The following SLC15A4 variants were observed in gnomAD, a reference collection of about 807,000 sequenced individuals.
SLC15A4 encodes solute carrier family 15 member 4.
Under a neutral mutation model 46.1 loss-of-function variants are expected in SLC15A4, and 26 were observed. That is an observed-to-expected ratio of 0.56 (90% confidence interval 0.41 to 0.78). The LOEUF is 0.78. Ranked by LOEUF, SLC15A4 falls within the 30% of genes least tolerant of loss-of-function variation. SLC15A4 has a pLI of 0.00. For synonymous variants in SLC15A4, 370 were observed against 333.4 expected, an observed-to-expected ratio of 1.11 and a Z score of -1.20; for missense variants, 751 against 755.7, an observed-to-expected ratio of 0.99 and a Z score of 0.07.
At chr12:128,799,130 G>A in intron 7 of SLC15A4, 129 bp downstream of exon 7, 1 of 919,770 alleles carries the variant, frequency 1.1e-6, no homozygotes, top group Non-Finnish European at 1.7e-6. Context: ...GCTGTGGAAG[G>A]AGCGGTGGAC....
chr12:128,823,358 CTGGACA>C, intron 1 of SLC15A4, 34 bp downstream of exon 1: 2 of 1,360,926 alleles, frequency 1.5e-6, no homozygotes, highest in Non-Finnish European at 1.9e-6. Flanking sequence ...TGGGCAGGGG[CTGGACA>C]GGGACAGGGA....
At chr12:128,797,990 C>T (rs932589478) in intron 7 of SLC15A4, among the ~76,000 whole-genome samples, 7 of 152,110 alleles carry the variant, frequency 4.6e-5, no homozygotes, top group South Asian at 2.1e-4. Flanking sequence ...CCAGCACACA[C>T]GCCCTGAGAG....
chr12:128,794,497 A>G, intron 7 of SLC15A4, 141 bp from the exon 8 acceptor site: 1 of 795,714 alleles, frequency 1.3e-6, no homozygotes, highest in Non-Finnish European at 1.9e-6. Flanking sequence ...GTAGTCCAAA[A>G]TGCACAAGCA....
intron 1 of SLC15A4, among the ~76,000 whole-genome samples, chr12:128,818,815 T>C (rs975695176): frequency 6.6e-6 from 1 of 152,202 alleles, no homozygotes; most frequent in Admixed American, 6.5e-5. Context: ...ACTTCCAGTC[T>C]CTGTGGACTC....
At chr12:128,815,327 T>TGTGGAAAAACTTG in intron 1 of SLC15A4, 26 of 414,000 alleles carry the variant, frequency 6.3e-5, no homozygotes, top group Middle Eastern at 6.7e-4. Context: ...TTTCCAAGTA[T>TGTGGAAAAACTTG]ATTCTGCTGT....
intron 5 of SLC15A4, among the ~76,000 whole-genome samples, chr12:128,807,601 T>C (rs972393750): frequency 6.6e-6 from 1 of 152,178 alleles, no homozygotes; most frequent in Non-Finnish European, 1.5e-5. Context: ...CAGCCTCCAG[T>C]GCAAAGACTT....
Position 128,796,596 on chromosome 12 carries a change from ATT to A in SLC15A4, c.1574-2242_1574-2241del, listed in dbSNP as rs554728057. Reference sequence around the variant, plus strand: ...CTGAATTCTACCAGACTAAAGCTTTATTTTTTCAACAGATGTTTTACACTATT... The same window carrying A: ...CTGAATTCTACCAGACTAAAGCTTTATTTTCAACAGATGTTTTACACTATT... On this transcript the variant is annotated intron_variant, in intron 7 of 7. Transcript: ENST00000266771. 1.2e-3 allele frequency among the ~76,000 whole-genome samples: 188 copies of A among 152,158 alleles called. 2 individuals are homozygous for A. The highest frequency in any genetic ancestry group is 4.3e-3 in the African/African-American group (177 of 41,508).
At chr12:128,814,610 G>A (rs1273033670) in intron 2 of SLC15A4, 165 bp downstream of exon 2, 17 of 689,448 alleles carry the variant, frequency 2.5e-5, no homozygotes, top group East Asian at 8.1e-5. Context: ...TAATAAGACC[G>A]CACCCGCCTC....
In SLC15A4 at chr12:128,793,362, T is replaced by C. The variant is rs1955406416; in HGVS notation, c.*834A>G. On this transcript the variant is annotated 3_prime_UTR_variant, in exon 8 of 8. Coordinates refer to ENST00000266771, the MANE Select transcript of SLC15A4 (RefSeq NM_145648.4). ...TTCACATTTAACACTTTCAATTATT[T>C]TTAATTACACTATTTCTGTTCAAAA... is the stretch of plus-strand genomic sequence containing the variant. The C allele has an allele frequency of 6.6e-6, 1 of 152,230 alleles. No homozygotes were observed. The highest frequency in any genetic ancestry group is 1.5e-5 in the Non-Finnish European group (1 of 68,032). 9.4% of individuals were successfully genotyped at this position (152,230 alleles called of 1,614,324 possible). A position where few individuals can be genotyped will look rare whatever the true frequency, so the allele number is the denominator to read the frequency against.
At chr12:128,813,813 T>TA (rs1457321808) in intron 2 of SLC15A4, 1 of 152,260 alleles carries the variant, frequency 6.6e-6, no homozygotes, top group East Asian at 1.9e-4. Context: ...AGGATGGAAA[T>TA]AATCTATGCC....
intron 5 of SLC15A4, among the ~76,000 whole-genome samples, chr12:128,806,083 T>A (rs1955583840): frequency 7.0e-6 from 1 of 143,556 alleles, no homozygotes; most frequent in African/African-American, 2.6e-5. Context: ...GGCAGGAGAA[T>A]GGCGTGAACC....
At chr12:128,822,252 G>A (rs1460326453) in intron 1 of SLC15A4, among the ~76,000 whole-genome samples, 3 of 152,230 alleles carry the variant, frequency 2.0e-5, no homozygotes, top group African/African-American at 4.8e-5. Flanking sequence ...CAGTTGCAGG[G>A]GAGCAGCTTG....
chr12:128,808,839 T>C lies in SLC15A4; in HGVS notation c.1207A>G (p.Lys403Glu). Residue 403 changes from lysine to glutamate, a missense_variant, in exon 5 of 8, where the codon AAG becomes GAG. Coordinates refer to ENST00000266771, the MANE Select transcript of SLC15A4 (RefSeq NM_145648.4). ...RRHGLLPSSLKRIAVGMFFVM... is the reference protein window; with the variant it reads ...RRHGLLPSSLERIAVGMFFVM... ...AAGAACATGCCCACGGCGATCCTCT[T>C]CAGGGAGGATGGGAGCAGGCCATGT... The C allele has an allele frequency of 6.2e-7, 1 of 1,614,186 alleles. No homozygotes were observed. The highest frequency in any genetic ancestry group is 8.5e-7 in the Non-Finnish European group (1 of 1,180,042).
intron 7 of SLC15A4, among the ~76,000 whole-genome samples, chr12:128,795,384 C>T (rs1955431625): frequency 6.6e-6 from 1 of 152,196 alleles, no homozygotes; most frequent in Non-Finnish European, 1.5e-5. Context: ...AGGCACTTTA[C>T]ACGCAACGTC....
At chr12:128,805,647 C>A (rs1361615722) in intron 5 of SLC15A4, among the ~76,000 whole-genome samples, 1 of 152,158 alleles carries the variant, frequency 6.6e-6, no homozygotes, top group South Asian at 2.1e-4. Context: ...ATTCTCATAT[C>A]TCAGCCTCCG....
rs148448215 is a variant in SLC15A4 at position 128,803,226 on chromosome 12, A to G, written c.1259-2217T>C. ...TTAATACACAGAACTAAAGCATAAT[A>G]TAACCCAAAGATTGTAAATAAAGGA... is the stretch of plus-strand genomic sequence containing the variant. On this transcript the variant is annotated intron_variant, in intron 5 of 7. Coordinates refer to ENST00000266771, the MANE Select transcript of SLC15A4 (RefSeq NM_145648.4). Among the ~76,000 whole-genome samples, 3 of 152,358 alleles carry G rather than the reference A, an allele frequency of 2.0e-5. No individual in the cohort carries two copies. In the East Asian group the frequency reaches 5.8e-4, roughly 29 times the overall value.
rs752716637 is a variant in SLC15A4 at position 128,823,738 on chromosome 12, C to T, written c.206G>A (p.Trp69Ter). 2.5e-5 allele frequency: 38 copies of T among 1,540,032 alleles called. No homozygotes were observed. The highest frequency in any genetic ancestry group is 3.5e-6 in the Non-Finnish European group (4 of 1,152,194). Reference protein sequence around the residue: ...VLFLNGAPFCWEGAQASEALL... With the variant: ...VLFLNGAPFC ...CGCCTCGCTGGCCTGCGCGCCCTCCCAGCAGAACGGCGCCCCGTTCAGGAA... is the reference window on the plus strand; with the variant it reads ...CGCCTCGCTGGCCTGCGCGCCCTCCTAGCAGAACGGCGCCCCGTTCAGGAA... The change falls in exon 1 of 8, where the codon TGG becomes TAG. Residue 69 changes from tryptophan to a stop codon, truncating the protein, a stop_gained. Transcript: ENST00000266771. LOFTEE classifies it high-confidence loss of function.
intron 2 of SLC15A4, among the ~76,000 whole-genome samples, chr12:128,810,905 C>T (rs1423028133): frequency 1.3e-5 from 2 of 152,200 alleles, no homozygotes; most frequent in African/African-American, 4.8e-5. Flanking sequence ...TGGACCCAGG[C>T]AGTCTTGGCT....
In SLC15A4 at chr12:128,799,479, G is replaced by A. The variant is rs1482022295; in HGVS notation, c.1415-62C>T. On this transcript the variant is annotated intron_variant, in intron 6 of 7. Coordinates refer to ENST00000266771, the MANE Select transcript of SLC15A4 (RefSeq NM_145648.4). ...GGGCACTTTAACACATGGGATCAAA[G>A]CTTTCACCTAATATAGCAGAGGAAG... The A allele has an allele frequency of 5.1e-6, 8 of 1,578,418 alleles. No individual in the cohort carries two copies. The African/African-American group carries it at 9.5e-5, about 19-fold the overall frequency.
Sources: allele counts gnomAD v4.1 joint callset (sites outside exome capture counted in the v4.1 genomes callset), GRCh38; gene constraint gnomAD v4.1.1; transcripts MANE v1.5; gene names NCBI Gene and HGNC (gene_info 2026-07-23, HGNC 2026-07-21).